Variants in FSIP1 observed in about 807,000 individuals in gnomAD.
FSIP1 encodes the protein fibrous sheath interacting protein 1.
Under a neutral mutation model 60.9 loss-of-function variants are expected in FSIP1, and 65 were observed. That is an observed-to-expected ratio of 1.07 (90% CI 0.87 to 1.31). The LOEUF (loss-of-function observed/expected upper bound fraction) is 1.31, where lower values mean the gene tolerates loss of function less well. FSIP1 is among the 40% of genes most tolerant of loss of function. The probability of loss-of-function intolerance (pLI) is 0.00; values close to 1 mark genes in which losing one functional copy is unlikely to be tolerated. For synonymous variants in FSIP1, 209 were observed against 221.2 expected, an observed-to-expected ratio of 0.94 and a Z score of 0.49; for missense variants, 675 against 665.5, an observed-to-expected ratio of 1.01 and a Z score of -0.16.
At chr15:39,690,514 T>C (rs1056701619) in intron 10 of FSIP1, among the ~76,000 whole-genome samples, 1 of 152,192 alleles carries the variant, frequency 6.6e-6, no homozygotes, top group Non-Finnish European at 1.5e-5. Flanking sequence ...TAGCAACAAT[T>C]CCAGTATCTC....
At chr15:39,719,144 G>A (rs899691952) in intron 9 of FSIP1, among the ~76,000 whole-genome samples, 3 of 152,226 alleles carry the variant, frequency 2.0e-5, no homozygotes, top group African/African-American at 7.2e-5. Context: ...TGCCACTGAT[G>A]CTGATGAAAA....
chr15:39,736,381 T>C (rs1208473761), intron 8 of FSIP1, among the ~76,000 whole-genome samples: 2 of 152,256 alleles, frequency 1.3e-5, no homozygotes, highest in Non-Finnish European at 2.9e-5. Context: ...ATGTGTGATA[T>C]TCTGTAGATA....
intron 7 of FSIP1, among the ~76,000 whole-genome samples, chr15:39,738,967 C>T (rs1381289526): frequency 6.6e-6 from 1 of 152,240 alleles, no homozygotes; most frequent in African/African-American, 2.4e-5. Context: ...TCCACACTCG[C>T]CCATGCAGTT....
chr15:39,780,940 T>C (rs549685053), intron 1 of FSIP1, among the ~76,000 whole-genome samples: 433 of 152,312 alleles, frequency 2.8e-3, no homozygotes, highest in Non-Finnish European at 5.5e-3. Context: ...GGCAAAAATT[T>C]CTTAGATACA....
intron 10 of FSIP1, among the ~76,000 whole-genome samples, chr15:39,661,409 C>T (rs537720701): frequency 6.6e-5 from 10 of 152,144 alleles, no homozygotes; most frequent in Admixed American, 3.9e-4. Context: ...TAAAAGTTTA[C>T]CACTTAAATT....
intron 10 of FSIP1, among the ~76,000 whole-genome samples, chr15:39,626,103 C>A (rs1400684889): frequency 6.6e-6 from 1 of 152,216 alleles, no homozygotes; most frequent in Non-Finnish European, 1.5e-5. Flanking sequence ...GATTAAACCT[C>A]ACCCTCTTGC....
intron 2 of FSIP1, among the ~76,000 whole-genome samples, chr15:39,770,866 G>C (rs370765944): frequency 7.6e-4 from 116 of 152,296 alleles, no homozygotes; most frequent in African/African-American, 2.6e-3. Flanking sequence ...GTCCTGAAGG[G>C]AACTGCTATC....
At position 39,747,541 on chromosome 15, in the gene FSIP1, A is replaced by C. The variant is rs192440943; in HGVS notation, c.560-5641T>G. ...TGCTGGTTGCCTAGAGTATGGTTTC[A>C]AGTACATTTATTCCAAAAACAATAT... On this transcript the variant is annotated intron_variant, in intron 5 of 11. Transcript: ENST00000350221. 1.7e-3 allele frequency: 266 copies of C among 152,278 alleles called. 1 individual carries two copies. The highest frequency in any genetic ancestry group is 6.3e-3 in the African/African-American group (262 of 41,564). 9.4% of individuals were successfully genotyped at this position (152,278 alleles called of 1,614,324 possible). A position where few individuals can be genotyped will look rare whatever the true frequency, so the allele number is the denominator to read the frequency against.
chr15:39,615,898 A>G (rs1231861787), intron 11 of FSIP1, among the ~76,000 whole-genome samples: 1 of 152,166 alleles, frequency 6.6e-6, no homozygotes, highest in African/African-American at 2.4e-5. Flanking sequence ...CAGGGTAACT[A>G]CAGTCATTAA....
chr15:39,744,004 G>C (rs1487275137), intron 5 of FSIP1, among the ~76,000 whole-genome samples: 5 of 152,176 alleles, frequency 3.3e-5, no homozygotes, highest in South Asian at 2.1e-4. Flanking sequence ...AAGGATATTA[G>C]AGGGACAATT....
downstream of FSIP1, chr15:39,598,782 G>T (rs1369868355): frequency 6.6e-6 from 1 of 151,550 alleles, no homozygotes; most frequent in Non-Finnish European, 1.5e-5. Context: ...TAAACTCCAG[G>T]TCTTATAAGA....
At chr15:39,702,360 G>A (rs969245594) in intron 10 of FSIP1, among the ~76,000 whole-genome samples, 1 of 54,950 alleles carries the variant, frequency 1.8e-5, no homozygotes, top group East Asian at 3.2e-4. Flanking sequence ...CTGACACATA[G>A]TGTCTTGTCA....
intron 10 of FSIP1, among the ~76,000 whole-genome samples, chr15:39,651,613 C>T (rs901454290): frequency 6.6e-6 from 1 of 152,202 alleles, no homozygotes; most frequent in Non-Finnish European, 1.5e-5. Flanking sequence ...ACACTTAACA[C>T]ATCATTGTGT....
intron 6 of FSIP1, 28 bp downstream of exon 6, chr15:39,741,777 G>A: frequency 1.8e-6 from 2 of 1,098,650 alleles, no homozygotes; most frequent in Non-Finnish European, 2.8e-6. Flanking sequence ...TTGTGAAAAT[G>A]TGTATAATCA....
At chr15:39,731,281 A>G (rs1435785153) in intron 8 of FSIP1, among the ~76,000 whole-genome samples, 2 of 152,194 alleles carry the variant, frequency 1.3e-5, no homozygotes, top group African/African-American at 4.8e-5. Context: ...CTCCCTTGAA[A>G]ATAAACATGG....
Position 39,741,853 on chromosome 15 carries a change from G to A in FSIP1, c.607C>T (p.Gln203Ter), listed in dbSNP as rs1345699807. ...EDTFSSVFHT[Q>*]IPPEEYEMQM... Reference sequence around the variant, plus strand: ...ATTTCATATTCTTCTGGAGGGATTTGAGTATGAAACACTGAGGAAAAGGTG... The same window carrying A: ...ATTTCATATTCTTCTGGAGGGATTTAAGTATGAAACACTGAGGAAAAGGTG... Residue 203 changes from glutamine to a stop codon, truncating the protein, a stop_gained, in exon 6 of 12, where the codon CAA (glutamine) becomes TAA (stop). Coordinates refer to ENST00000350221, the MANE Select transcript of FSIP1 (RefSeq NM_152597.5). LOFTEE classifies it high-confidence loss of function. The A allele has an allele frequency of 9.3e-6, 15 of 1,607,088 alleles. No individual in the cohort carries two copies. Among genetic ancestry groups the A allele is most frequent in the Non-Finnish European group, 1.3e-5 (15 of 1,174,218 alleles).
At chr15:39,713,642 CCT>C in intron 9 of FSIP1, 61 bp from the exon 10 acceptor site, 1 of 1,480,756 alleles carries the variant, frequency 6.8e-7, no homozygotes, top group South Asian at 1.3e-5. Context: ...TCACATACCA[CCT>C]CAAAGCAACT....
intron 1 of FSIP1, among the ~76,000 whole-genome samples, chr15:39,779,347 T>C (rs1898170486): frequency 6.6e-6 from 1 of 152,212 alleles, no homozygotes; most frequent in Non-Finnish European, 1.5e-5. Context: ...AGTAGTGGGT[T>C]CTGGATTGGT....
At chr15:39,773,944 G>C (rs1282555175) in intron 2 of FSIP1, among the ~76,000 whole-genome samples, 1 of 152,072 alleles carries the variant, frequency 6.6e-6, no homozygotes, top group East Asian at 1.9e-4. Flanking sequence ...TGATTGTAAT[G>C]GTAGTTATAT....
Sources: gnomAD v4.1 joint callset for allele counts (sites outside exome capture counted in the v4.1 genomes callset) on GRCh38, gnomAD v4.1.1 for gene constraint, MANE v1.5 for transcripts, NCBI Gene and HGNC (gene_info 2026-07-23, HGNC 2026-07-21) for gene names.